EPRS1: variants seen among roughly 807,000 people sequenced by gnomAD.
EPRS1 encodes glutamyl-prolyl-tRNA synthetase 1.
A neutral mutation model predicts 188.3 loss-of-function variants in EPRS1; 107 were observed. That is an observed-to-expected ratio of 0.57 (90% confidence interval 0.49 to 0.67). The LOEUF (loss-of-function observed/expected upper bound fraction) is 0.67, where lower values mean the gene tolerates loss of function less well. Among genes scored for constraint, EPRS1 ranks in the 30% least tolerant of loss-of-function variants. The pLI is 0.00. For missense variants in EPRS1, 1,577 were observed against 1,802.2 expected (o/e 0.88, Z 2.26); for synonymous variants, 596 against 593.1 (o/e 1.00, Z -0.07).
At chr1:220,032,318 C>T in intron 5 of EPRS1, 69 bp downstream of exon 5, 2 of 1,285,012 alleles carry the variant, frequency 1.6e-6, no homozygotes. Flanking sequence ...AATCTCCTGA[C>T]CTTGTGATCC....
Position 220,041,174 on chromosome 1 carries a change from A to T in EPRS1, c.47-905T>A, listed in dbSNP as rs147216215. 4.1e-3 allele frequency among the ~76,000 whole-genome samples: 622 copies of T among 151,854 alleles called. 6 individuals carry two copies. Among genetic ancestry groups the T allele is most frequent in the African/African-American group, 0.014 (583 of 41,392 alleles). ...AGTGAGACCCCGTCTCTACAAAAAAATACAAAAATTAGCTAGGCATAGTGG... is the reference window on the plus strand; with the variant it reads ...AGTGAGACCCCGTCTCTACAAAAAATTACAAAAATTAGCTAGGCATAGTGG... On this transcript the variant is annotated intron_variant, in intron 1 of 31. Coordinates refer to ENST00000366923, the MANE Select transcript of EPRS1 (RefSeq NM_004446.3).
intron 18 of EPRS1, among the ~76,000 whole-genome samples, chr1:219,990,195 A>G (rs1661093083): frequency 6.6e-6 from 1 of 152,026 alleles, no homozygotes; most frequent in Non-Finnish European, 1.5e-5. Context: ...TAAGGTGAGC[A>G]AACCACTCTG....
rs1661060579 is a variant in EPRS1 at position 219,988,701 on chromosome 1, G to T, written c.2664C>A (p.Thr888=). 1.2e-6 allele frequency: 2 copies of T among 1,613,894 alleles called. No homozygotes were observed. Among genetic ancestry groups the T allele is most frequent in the Non-Finnish European group, 1.7e-6 (2 of 1,179,810 alleles). ...CTAAACCAGCAGGTTCAGAATTTCT[G>T]GTTGGGCTTGAATCCGAACTTTGAG... ...PLSQSSDSSP[T]RNSEPAGLET... is the part of the protein sequence containing the mutation. Residue 888 remains threonine, a synonymous_variant, in exon 19 of 32, where the codon ACC becomes ACA. Coordinates refer to ENST00000366923, the MANE Select transcript of EPRS1 (RefSeq NM_004446.3).
intron 12 of EPRS1, 178 bp downstream of exon 12, chr1:220,018,271 G>T: frequency 1.1e-6 from 1 of 897,898 alleles, no homozygotes. Context: ...TAGTTAATAG[G>T]CTTAATTAAT....
At position 220,015,097 on chromosome 1, in the gene EPRS1, A is replaced by T. The variant is rs530208336; in HGVS notation, c.1494+3352T>A. On this transcript the variant is annotated intron_variant, in intron 12 of 31. Transcript: ENST00000366923. ...AAAATAAGACAGAACACGAAACAAG[A>T]GTACCAGTCCAAGAGGCCCAACATC... Among the ~76,000 whole-genome samples, 145 of 152,324 alleles carry T rather than the reference A, an allele frequency of 9.5e-4. 2 individuals carry two copies. The highest frequency in any genetic ancestry group is 3.4e-3 in the Middle Eastern group (1 of 294).
chr1:220,032,545 T>C lies in EPRS1; in HGVS notation c.389-19A>G, dbSNP rs761887842. The C allele has an allele frequency of 2.5e-6, 4 of 1,611,230 alleles. No individual in the cohort carries two copies. The highest frequency in any genetic ancestry group is 3.4e-6 in the Non-Finnish European group (4 of 1,179,040). On this transcript the variant is annotated intron_variant, in intron 4 of 31. Coordinates refer to ENST00000366923, the MANE Select transcript of EPRS1 (RefSeq NM_004446.3). ...GCATTTCCTATGAGCAAAGATAATT[T>C]TAAACTATTCAATAAATCTGCAGCT...
chr1:220,046,475 T>G lies in EPRS1; in HGVS notation c.-87A>C. The G allele has an allele frequency of 2.6e-6, 4 of 1,565,684 alleles. No individual in the cohort carries two copies. Among genetic ancestry groups the G allele is most frequent in the Non-Finnish European group, 3.5e-6 (4 of 1,157,268 alleles). ...CCCGCGAAAGGAAGAAGATGCAACG[T>G]GTGCGCGTACCCGACGCCGCCGCAG... On this transcript the variant is annotated 5_prime_UTR_variant, in exon 1 of 32. Transcript: ENST00000366923.
rs1347114684 is a variant in EPRS1, at chr1:220,032,513, C to G, written c.402G>C (p.Trp134Cys). 5.0e-6 allele frequency: 8 copies of G among 1,612,506 alleles called. No individual in the cohort carries two copies. The highest frequency in any genetic ancestry group is 6.8e-6 in the Non-Finnish European group (8 of 1,179,658). ...VWATLKGNAAWQEQLKQKKAP... is the reference protein window; with the variant it reads ...VWATLKGNAACQEQLKQKKAP... The stretch of plus-strand genomic sequence containing the variant: ...CTTTCTTCTGTTTCAACTGTTCTTG[C>G]CAGGCAGCATTTCCTATGAGCAAAG... The change falls in exon 5 of 32, where the codon TGG becomes TGC. Residue 134 changes from tryptophan (W) to cysteine (C), a missense_variant. Physicochemically the swap from Trp to Cys is radical, Grantham distance 215. Around this residue, in one of 3 missense-constraint regions of EPRS1, gnomAD observed 1,278 missense variants for 1,457.4 expected, o/e 0.88. Coordinates refer to ENST00000366923, the MANE Select transcript of EPRS1 (RefSeq NM_004446.3).
intron 5 of EPRS1, among the ~76,000 whole-genome samples, chr1:220,031,064 C>G (rs1279075713): frequency 6.7e-6 from 1 of 148,504 alleles, no homozygotes; most frequent in African/African-American, 2.5e-5. Flanking sequence ...TGCACTCCAG[C>G]CTGGGTGACG....
In EPRS1 at chr1:219,983,779, G is replaced by C. The variant is rs541735918; in HGVS notation, c.3091-381C>G. 1.3e-4 allele frequency among the ~76,000 whole-genome samples: 19 copies of C among 151,908 alleles called. No individual in the cohort carries two copies. In the East Asian group the frequency reaches 3.7e-3, roughly 30 times the overall value. On this transcript the variant is annotated intron_variant, in intron 21 of 31. Coordinates refer to ENST00000366923, the MANE Select transcript of EPRS1 (RefSeq NM_004446.3). ...GTGGTAGCGTGTGCCTGTAGTCCCA[G>C]GTACTCGGGAGGCTGAGGCAGGAGA...
In EPRS1 at chr1:220,009,958, T is replaced by G. The variant is rs144962918; in HGVS notation, c.1605+988A>C. On this transcript the variant is annotated intron_variant, in intron 13 of 31. Transcript: ENST00000366923. ...CTAAAAATACAAACATTGCTGGGTGTAGTGGCGCACATCTGTAATCCAAGC... is the reference window on the plus strand; with the variant it reads ...CTAAAAATACAAACATTGCTGGGTGGAGTGGCGCACATCTGTAATCCAAGC... 4.8e-3 allele frequency among the ~76,000 whole-genome samples: 731 copies of G among 151,858 alleles called. 4 individuals carry two copies. The highest frequency in any genetic ancestry group is 0.017 in the African/African-American group (690 of 41,406).
At chr1:220,013,759 G>A (rs575177171) in intron 12 of EPRS1, among the ~76,000 whole-genome samples, 2 of 152,216 alleles carry the variant, frequency 1.3e-5, no homozygotes, top group Non-Finnish European at 2.9e-5. Context: ...CTCAAGAGTT[G>A]AAGGGAATGG....
intron 1 of EPRS1, among the ~76,000 whole-genome samples, chr1:220,044,522 T>A (rs552151516): frequency 1.3e-5 from 2 of 151,948 alleles, no homozygotes; most frequent in Admixed American, 1.3e-4. Context: ...GTCAGGAGTT[T>A]GAGACCAGCC....
chr1:220,040,085 A>T (rs938901596), intron 2 of EPRS1, 100 bp downstream of exon 2: 1 of 752,014 alleles, frequency 1.3e-6, no homozygotes, highest in African/African-American at 1.7e-5. Context: ...AGCTATGATC[A>T]TGCCAGCCTG....
Position 220,010,997 on chromosome 1 carries a change from C to G in EPRS1, c.1554G>C (p.Val518=). ...TCTCCTCCTGAGCTTCAGGTACATT[C>G]ACTGGGATCACTTCTTTCTTCAGTA... The part of the protein sequence containing the change: ...VALLKKEVIP[V]NVPEAQEEMK... The change falls in exon 13 of 32, where the codon GTG becomes GTC. Residue 518 remains valine (V), a synonymous_variant. Transcript: ENST00000366923. 6.2e-7 allele frequency: 1 copy of G among 1,613,772 alleles called. No individual in the cohort carries two copies. The highest frequency in any genetic ancestry group is 8.5e-7 in the Non-Finnish European group (1 of 1,179,758).
intron 18 of EPRS1, among the ~76,000 whole-genome samples, chr1:219,995,301 G>A (rs1661210219): frequency 6.6e-6 from 1 of 152,166 alleles, no homozygotes; most frequent in South Asian, 2.1e-4. Flanking sequence ...ATAGTTGACT[G>A]TCACTCCAAG....
chr1:219,968,684 T>C lies in EPRS1; in HGVS notation c.*122A>G. 1.1e-6 allele frequency: 1 copy of C among 930,334 alleles called. No individual in the cohort carries two copies. Among genetic ancestry groups the C allele is most frequent in the Admixed American group, 2.5e-5 (1 of 39,364 alleles). The allele number at this position is 930,334 out of a possible 1,614,324, so 57.6% of individuals were successfully genotyped here. ...CTTAGGCATAAGAATAATTGTCCTG[T>C]GTGACTTCATTTTAGAACTTTTACT... On this transcript the variant is annotated 3_prime_UTR_variant, in exon 32 of 32. Coordinates refer to ENST00000366923, the MANE Select transcript of EPRS1 (RefSeq NM_004446.3).
intron 28 of EPRS1, among the ~76,000 whole-genome samples, chr1:219,974,175 C>A (rs1038501321): frequency 6.6e-6 from 1 of 152,156 alleles, no homozygotes; most frequent in African/African-American, 2.4e-5. Context: ...AACACCTGGC[C>A]TCAACTGATC....
chr1:220,016,083 C>A (rs1281818713), intron 12 of EPRS1, among the ~76,000 whole-genome samples: 1 of 152,126 alleles, frequency 6.6e-6, no homozygotes, highest in South Asian at 2.1e-4. Flanking sequence ...TGGTGGCTCA[C>A]ACCTGTAATC....
Sources: allele counts gnomAD v4.1 joint callset (sites outside exome capture counted in the v4.1 genomes callset), GRCh38; gene constraint gnomAD v4.1.1; regional missense constraint gnomAD v4.1.1; transcripts MANE v1.5; gene names NCBI Gene and HGNC (gene_info 2026-07-23, HGNC 2026-07-21).